Variants in MYBL2 observed in about 807,000 individuals in gnomAD.
MYBL2 encodes myb-related protein B.
In MYBL2, 28 loss-of-function variants were observed where a neutral mutation model predicts 79.9. The ratio of observed to expected loss-of-function variants is 0.35; its 90% CI spans 0.26 to 0.48. The LOEUF (loss-of-function observed/expected upper bound fraction) is 0.48. Among genes scored for constraint, MYBL2 ranks in the 20% least tolerant of loss-of-function variants. The pLI, the probability that MYBL2 is intolerant of heterozygous loss-of-function variation, is 0.99. For synonymous variants in MYBL2, 378 were observed against 361.2 expected, an observed-to-expected ratio of 1.05 and a Z score of -0.53; for missense variants, 735 against 893.9, an observed-to-expected ratio of 0.82 and a Z score of 2.27.
rs375812439 is a variant in MYBL2, at chr20:43,691,768, A to G, written c.501-389A>G. On this transcript the variant is annotated intron_variant, in intron 5 of 13. Transcript: ENST00000217026. The stretch of plus-strand genomic sequence containing the variant: ...TGGTCAGGCTGGTCTCGAACTCCCG[A>G]TCTCAGGTGATCTGCTCGCCTAGGC... 2.0e-4 allele frequency among the ~76,000 whole-genome samples: 31 copies of G among 151,428 alleles called. 1 individual carries two copies. Among genetic ancestry groups the G allele is most frequent in the East Asian group, 1.2e-3 (6 of 5,152 alleles).
At chr20:43,690,233 T>C (rs1987375467) in intron 5 of MYBL2, among the ~76,000 whole-genome samples, 1 of 149,770 alleles carries the variant, frequency 6.7e-6, no homozygotes, top group African/African-American at 2.5e-5. Flanking sequence ...TGAGACGGAG[T>C]CTTGCTCTGT....
intron 6 of MYBL2, among the ~76,000 whole-genome samples, chr20:43,698,174 T>C (rs2145725459): frequency 6.6e-6 from 1 of 151,438 alleles, no homozygotes; most frequent in Admixed American, 6.6e-5. Context: ...GTAGCTTTTT[T>C]TCTTTATTTT....
rs750318075 is a variant in MYBL2 at position 43,705,512 on chromosome 20, C to T, written c.1505+154C>T. On this transcript the variant is annotated intron_variant, in intron 9 of 13. Transcript: ENST00000217026. ...AAAGCCCTCTCCTTTCTGGCCACCACGATTTATCATTTTTATCGATATAGT... is the reference window on the plus strand; with the variant it reads ...AAAGCCCTCTCCTTTCTGGCCACCATGATTTATCATTTTTATCGATATAGT... Among the ~76,000 whole-genome samples, 12 of 152,110 alleles carry T rather than the reference C, an allele frequency of 7.9e-5. No homozygotes were observed. The East Asian group carries it at 1.5e-3, about 20-fold the overall frequency.
chr20:43,686,432 G>T (rs1056703906), intron 4 of MYBL2, among the ~76,000 whole-genome samples: 2 of 152,190 alleles, frequency 1.3e-5, no homozygotes, highest in African/African-American at 4.8e-5. Flanking sequence ...CCTGGGGCCT[G>T]GCTGGTGTGG....
chr20:43,704,306 G>A (rs1057449914), intron 8 of MYBL2, among the ~76,000 whole-genome samples: 2 of 152,128 alleles, frequency 1.3e-5, no homozygotes, highest in African/African-American at 4.8e-5. Context: ...GTGAGCCACC[G>A]CGCCTGGCCT....
intron 9 of MYBL2, among the ~76,000 whole-genome samples, chr20:43,707,753 A>G (rs1987823735): frequency 1.3e-5 from 2 of 151,810 alleles, no homozygotes; most frequent in Non-Finnish European, 2.9e-5. Flanking sequence ...GTGGTGTGGT[A>G]TTTCTCTATT....
At chr20:43,698,809 C>G (rs181455983) in intron 6 of MYBL2, among the ~76,000 whole-genome samples, 1 of 150,150 alleles carries the variant, frequency 6.7e-6, no homozygotes, top group Non-Finnish European at 1.5e-5. Context: ...TCTGGGATTA[C>G]AGGTGTGAGC....
intron 7 of MYBL2, among the ~76,000 whole-genome samples, chr20:43,701,929 G>A: frequency 6.6e-6 from 1 of 152,132 alleles, no homozygotes. Flanking sequence ...ACTTTTGGAG[G>A]CCAAGGTGGT....
chr20:43,709,534 C>G (rs566716305), intron 9 of MYBL2, among the ~76,000 whole-genome samples: 21 of 152,066 alleles, frequency 1.4e-4, no homozygotes, highest in African/African-American at 4.4e-4. Flanking sequence ...TGGGAAGATG[C>G]TGGCCTCACC....
intron 12 of MYBL2, 65 bp downstream of exon 12, chr20:43,713,171 G>T (rs1328363142): frequency 7.3e-7 from 1 of 1,366,458 alleles, no homozygotes; most frequent in African/African-American, 1.4e-5. Flanking sequence ...AGTTAGTGTA[G>T]TGACTCTCCA....
At chr20:43,681,236 T>C (rs1243408992) in intron 2 of MYBL2, among the ~76,000 whole-genome samples, 1 of 152,196 alleles carries the variant, frequency 6.6e-6, no homozygotes, top group Non-Finnish European at 1.5e-5. Flanking sequence ...AGTTCAGTAA[T>C]GACCTCCTTA....
chr20:43,667,176 G>C lies in MYBL2; in HGVS notation c.-108G>C. 1.4e-6 allele frequency: 1 copy of C among 725,716 alleles called. No individual in the cohort carries two copies. The allele number at this position is 725,716 out of a possible 1,614,324, so 45.0% of individuals were successfully genotyped here. ...TGACACGCTGACGCCTTCGAGCGCG[G>C]CCCGGGGCCCGGAGCGGCCGGAGCA... On this transcript the variant is annotated 5_prime_UTR_variant, in exon 1 of 14. Transcript: ENST00000217026.
chr20:43,700,879 C>G (rs1229225998), intron 7 of MYBL2, among the ~76,000 whole-genome samples: 1 of 152,212 alleles, frequency 6.6e-6, no homozygotes, highest in Admixed American at 6.5e-5. Flanking sequence ...GCTCCTGCTA[C>G]TATCGCTTGG....
At position 43,708,937 on chromosome 20, in the gene MYBL2, T is replaced by A. The variant is rs193117237; in HGVS notation, c.1506-1026T>A. On this transcript the variant is annotated intron_variant, in intron 9 of 13. Transcript: ENST00000217026. ...TTCCTTACAGAGGGGGATCTCTGTG[T>A]GTCCCAGATGGGGGATAACAAGGGT... 1.8e-3 allele frequency among the ~76,000 whole-genome samples: 271 copies of A among 152,338 alleles called. 1 individual carries two copies. The highest frequency in any genetic ancestry group is 3.4e-3 in the Middle Eastern group (1 of 294).
chr20:43,673,701 C>T, intron 1 of MYBL2, 105 bp from the exon 2 acceptor site: 1 of 1,032,412 alleles, frequency 9.7e-7, no homozygotes, highest in Non-Finnish European at 1.5e-6. Context: ...GAGCCTCTCT[C>T]CCCCAGACCT....
rs185609889 is a variant in MYBL2, at chr20:43,689,027, T to A, written c.500+1955T>A. Among the ~76,000 whole-genome samples, 159 of 152,142 alleles carry A rather than the reference T, an allele frequency of 1.0e-3. 1 individual carries two copies. The highest frequency in any genetic ancestry group is 1.9e-3 in the Non-Finnish European group (127 of 68,012). On this transcript the variant is annotated intron_variant, in intron 5 of 13. Transcript: ENST00000217026. ...CTAGTCTTGAACTCCTGACCTCAGGTGATCTGCCTGCCTTGGGCCTCCCGA... is the reference window on the plus strand; with the variant it reads ...CTAGTCTTGAACTCCTGACCTCAGGAGATCTGCCTGCCTTGGGCCTCCCGA...
intron 5 of MYBL2, among the ~76,000 whole-genome samples, chr20:43,688,845 A>G (rs988168537): frequency 6.6e-6 from 1 of 152,078 alleles, no homozygotes; most frequent in African/African-American, 2.4e-5. Context: ...GCTGGAGTGT[A>G]GTGGCATGAT....
At chr20:43,676,426 T>C (rs1453958114) in intron 2 of MYBL2, among the ~76,000 whole-genome samples, 1 of 152,228 alleles carries the variant, frequency 6.6e-6, no homozygotes, top group East Asian at 1.9e-4. Context: ...TGTTCTTGAA[T>C]CTTCTATAAA....
intron 10 of MYBL2, among the ~76,000 whole-genome samples, chr20:43,711,138 C>T (rs1032481034): frequency 2.6e-5 from 4 of 152,072 alleles, no homozygotes; most frequent in African/African-American, 7.2e-5. Flanking sequence ...TTTGAGCTGT[C>T]GGGGTCCTAA....
Sources: allele counts gnomAD v4.1 joint callset (sites outside exome capture counted in the v4.1 genomes callset), GRCh38; gene constraint gnomAD v4.1.1; transcripts MANE v1.5; gene names NCBI Gene and HGNC (gene_info 2026-07-23, HGNC 2026-07-21).